NAALADL2: variants seen among roughly 807,000 people sequenced by gnomAD.
The protein encoded by NAALADL2 is N-acetylated alpha-linked acidic dipeptidase like 2.
In NAALADL2, 76 loss-of-function variants were observed where a neutral mutation model predicts 87.2. That is an observed-to-expected ratio of 0.87 (90% CI 0.72 to 1.05). NAALADL2 has a LOEUF of 1.05. NAALADL2 is among the 50% of genes least tolerant of loss of function. The probability of loss-of-function intolerance (pLI) is 0.00; values close to 1 mark genes in which losing one functional copy is unlikely to be tolerated. For missense variants in NAALADL2, 1,089 were observed against 945.8 expected (o/e 1.15, Z -1.99); for synonymous variants, 354 against 331.0 (o/e 1.07, Z -0.75).
At chr3:175,658,537 A>G (rs1232306696) in intron 11 of NAALADL2, among the ~76,000 whole-genome samples, 1 of 152,168 alleles carries the variant, frequency 6.6e-6, no homozygotes, top group African/African-American at 2.4e-5. Context: ...TGGGTAAAAT[A>G]TGCAACAGGG....
intron 2 of NAALADL2, among the ~76,000 whole-genome samples, chr3:175,177,582 A>G (rs1735866039): frequency 6.6e-6 from 1 of 152,126 alleles, no homozygotes; most frequent in African/African-American, 2.4e-5. Context: ...AAGCAATGGA[A>G]ATAAATATAC....
intron 5 of NAALADL2, among the ~76,000 whole-genome samples, chr3:175,395,840 A>C (rs1769707990): frequency 6.6e-6 from 1 of 152,206 alleles, no homozygotes; most frequent in South Asian, 2.1e-4. Flanking sequence ...GTATTATTTT[A>C]TATTTTATGA....
rs1448129264 is a variant in NAALADL2, at chr3:175,013,120, A to ATG, written c.44-83669_44-83668insGT. The stretch of plus-strand genomic sequence containing the variant: ...TAAATATACATATTTATATATAAAT[A>ATG]TACATATTTATATATAAATATGTAA... On this transcript the variant is annotated intron_variant, in intron 1 of 13. Coordinates refer to ENST00000454872, the MANE Select transcript of NAALADL2 (RefSeq NM_207015.3). Among the ~76,000 whole-genome samples the ATG allele has an allele frequency of 4.7e-4, 3 of 6,328 alleles. 1 individual carries two copies. Among genetic ancestry groups the ATG allele is most frequent in the Admixed American group, 4.0e-3 (2 of 506 alleles). 4.2% of individuals were successfully genotyped at this position (6,328 alleles called of 152,430 possible).
chr3:175,266,393 A>G (rs893480169), intron 4 of NAALADL2, among the ~76,000 whole-genome samples: 2 of 151,620 alleles, frequency 1.3e-5, no homozygotes, highest in Non-Finnish European at 3.0e-5. Context: ...TAATCTAGAA[A>G]TATACATAGT....
chr3:174,935,373 A>G (rs1052029694), intron 1 of NAALADL2, among the ~76,000 whole-genome samples: 9 of 152,188 alleles, frequency 5.9e-5, no homozygotes, highest in Non-Finnish European at 1.2e-4. Flanking sequence ...ATCCTGGTTC[A>G]TGTATCTTTG....
intron 3 of NAALADL2, among the ~76,000 whole-genome samples, chr3:174,807,100 G>A (rs1278462379): frequency 6.6e-6 from 1 of 152,076 alleles, no homozygotes; most frequent in Non-Finnish European, 1.5e-5. Flanking sequence ...GTATTGCAGG[G>A]TTTCAGCTTT....
At chr3:174,623,932 A>C (rs201370472) in intron 2 of NAALADL2, among the ~76,000 whole-genome samples, 1 of 118,706 alleles carries the variant, frequency 8.4e-6, no homozygotes, top group African/African-American at 2.8e-5. Context: ...TGGAAAGTAG[A>C]GTGATCGATT....
intron 13 of NAALADL2, among the ~76,000 whole-genome samples, chr3:175,769,145 C>A (rs1749139148): frequency 6.6e-6 from 1 of 152,238 alleles, no homozygotes; most frequent in Admixed American, 6.5e-5. Flanking sequence ...TTTCAAAATA[C>A]TTATCTAAAA....
At chr3:174,743,931 C>T (rs1195923748) in intron 3 of NAALADL2, among the ~76,000 whole-genome samples, 1 of 151,810 alleles carries the variant, frequency 6.6e-6, no homozygotes, top group Admixed American at 6.6e-5. Context: ...AAATCACTCC[C>T]CTTTTAGCAG....
chr3:175,277,872 C>T (rs1753801324), intron 4 of NAALADL2, among the ~76,000 whole-genome samples: 1 of 152,210 alleles, frequency 6.6e-6, no homozygotes, highest in Non-Finnish European at 1.5e-5. Flanking sequence ...GTGCTAACTA[C>T]AGATCACTTA....
chr3:175,241,014 T>G (rs953698046), intron 3 of NAALADL2, among the ~76,000 whole-genome samples: 1 of 152,166 alleles, frequency 6.6e-6, no homozygotes, highest in African/African-American at 2.4e-5. Context: ...TTAGTCTCCC[T>G]TATTTTTCTA....
chr3:174,499,705 T>C (rs1372690452), intron 1 of NAALADL2, among the ~76,000 whole-genome samples: 1 of 152,132 alleles, frequency 6.6e-6, no homozygotes, highest in Non-Finnish European at 1.5e-5. Flanking sequence ...TTGTCTTTTT[T>C]TTAATTGGTA....
At chr3:174,613,150 T>G (rs1001931558) in intron 2 of NAALADL2, among the ~76,000 whole-genome samples, 1 of 152,182 alleles carries the variant, frequency 6.6e-6, no homozygotes, top group African/African-American at 2.4e-5. Flanking sequence ...ATGGAGCTTT[T>G]CTCTCTGTTC....
intron 3 of NAALADL2, among the ~76,000 whole-genome samples, chr3:174,824,421 C>T (rs996724056): frequency 6.6e-6 from 1 of 152,176 alleles, no homozygotes; most frequent in African/African-American, 2.4e-5. Flanking sequence ...AATTTAAGCA[C>T]TACTTTGGCA....
chr3:175,499,831 G>A (rs920948562), intron 9 of NAALADL2, among the ~76,000 whole-genome samples: 1 of 151,916 alleles, frequency 6.6e-6, no homozygotes, highest in African/African-American at 2.4e-5. Flanking sequence ...CTTGTAGGAA[G>A]CCTGCTATGT....
chr3:175,116,679 A>G (rs981875028), intron 2 of NAALADL2, among the ~76,000 whole-genome samples: 14 of 152,164 alleles, frequency 9.2e-5, no homozygotes, highest in East Asian at 1.9e-4. Flanking sequence ...TATGGATTCA[A>G]TGCCATCCCC....
At chr3:175,483,324 GGCTTTTTT>G (rs1428651255) in intron 9 of NAALADL2, among the ~76,000 whole-genome samples, 6 of 136,006 alleles carry the variant, frequency 4.4e-5, no homozygotes, top group Non-Finnish European at 9.5e-5. Flanking sequence ...TTTACTTTTT[GGCTTTTTT>G]TTTTTTTTTA....
At chr3:175,627,998 C>T (rs147771441) in intron 11 of NAALADL2, among the ~76,000 whole-genome samples, 3 of 151,624 alleles carry the variant, frequency 2.0e-5, no homozygotes, top group East Asian at 1.9e-4. Context: ...TGAAAAAGAC[C>T]GCATTGATAG....
Position 175,416,433 on chromosome 3 carries a change from A to G in NAALADL2, c.1091-30796A>G, listed in dbSNP as rs538499580. 4.6e-5 allele frequency among the ~76,000 whole-genome samples: 7 copies of G among 152,286 alleles called. No individual in the cohort carries two copies. The East Asian group carries it at 1.3e-3, about 29-fold the overall frequency. On this transcript the variant is annotated intron_variant, in intron 5 of 13. Coordinates refer to ENST00000454872, the MANE Select transcript of NAALADL2 (RefSeq NM_207015.3). ...GACTGCTATTTGTTTTAATTGAATCACCACTTCCTTACTGGAATTAAAATT... is the reference window on the plus strand; with the variant it reads ...GACTGCTATTTGTTTTAATTGAATCGCCACTTCCTTACTGGAATTAAAATT...
Sources: allele counts gnomAD v4.1 joint callset (sites outside exome capture counted in the v4.1 genomes callset), GRCh38; gene constraint gnomAD v4.1.1; transcripts MANE v1.5; gene names NCBI Gene and HGNC (gene_info 2026-07-23, HGNC 2026-07-21).